GRM1: variants seen among roughly 807,000 people sequenced by gnomAD.
GRM1 encodes the protein metabotropic glutamate receptor 1.
A neutral mutation model predicts 90.9 loss-of-function variants in GRM1; 33 were observed. The ratio of observed to expected loss-of-function variants is 0.36; its 90% CI spans 0.28 to 0.49. GRM1 has a LOEUF of 0.49. Among genes scored for constraint, GRM1 ranks in the 20% least tolerant of loss-of-function variants. The probability of loss-of-function intolerance (pLI) is 0.99; values close to 1 mark genes in which losing one functional copy is unlikely to be tolerated. For missense variants in GRM1, 1,190 were observed against 1,534.3 expected, an observed-to-expected ratio of 0.78 and a Z score of 3.75; for synonymous variants, 700 against 613.2, an observed-to-expected ratio of 1.14 and a Z score of -2.09.
intron 2 of GRM1, among the ~76,000 whole-genome samples, chr6:146,291,766 A>G (rs750092261): frequency 4.6e-5 from 7 of 152,074 alleles, no homozygotes; most frequent in African/African-American, 9.6e-5. Context: ...TTTCAATTCA[A>G]TCTTTATTAA....
intron 4 of GRM1, among the ~76,000 whole-genome samples, chr6:146,357,280 CA>C (rs1197451005): frequency 1.3e-5 from 2 of 151,964 alleles, no homozygotes; most frequent in Non-Finnish European, 2.9e-5. Context: ...GGAGGATAAG[CA>C]GAGAGAAAAG....
chr6:146,166,448 G>GA (rs1718465957), intron 2 of GRM1, among the ~76,000 whole-genome samples: 2 of 152,164 alleles, frequency 1.3e-5, no homozygotes, highest in African/African-American at 4.8e-5. Flanking sequence ...TTTCAGCTCT[G>GA]TTTTTTTCTT....
chr6:146,061,227 T>C (rs1332521281), intron 1 of GRM1, among the ~76,000 whole-genome samples: 3 of 152,078 alleles, frequency 2.0e-5, no homozygotes, highest in African/African-American at 7.2e-5. Context: ...ATAAGAGATA[T>C]AATAATAATG....
chr6:146,035,514 T>G (rs1168514045), intron 1 of GRM1, among the ~76,000 whole-genome samples: 1 of 151,970 alleles, frequency 6.6e-6, no homozygotes, highest in Admixed American at 6.6e-5. Context: ...TACTTGAGAG[T>G]TGGTCTCTTT....
intron 1 of GRM1, among the ~76,000 whole-genome samples, chr6:146,035,575 A>G: frequency 6.6e-6 from 1 of 151,986 alleles, no homozygotes; most frequent in Non-Finnish European, 1.5e-5. Flanking sequence ...CTTTGCAAAC[A>G]CTACTGTAAG....
At chr6:146,379,073 A>C (rs1776218173) in intron 5 of GRM1, among the ~76,000 whole-genome samples, 1 of 152,212 alleles carries the variant, frequency 6.6e-6, no homozygotes, top group Admixed American at 6.5e-5. Flanking sequence ...GCATGAGAAC[A>C]GACTCATACA....
chr6:146,240,206 A>G (rs1780803109), intron 2 of GRM1, among the ~76,000 whole-genome samples: 1 of 151,982 alleles, frequency 6.6e-6, no homozygotes, highest in African/African-American at 2.4e-5. Context: ...GCCATGTAGA[A>G]CCGTACAGGA....
At chr6:146,118,957 G>A (rs1173683968) in intron 1 of GRM1, among the ~76,000 whole-genome samples, 2 of 152,232 alleles carry the variant, frequency 1.3e-5, no homozygotes, top group Admixed American at 1.3e-4. Flanking sequence ...TATATACCCA[G>A]TAATGGGATT....
intron 1 of GRM1, among the ~76,000 whole-genome samples, chr6:146,107,720 A>G (rs910009333): frequency 5.9e-5 from 9 of 152,196 alleles, no homozygotes; most frequent in African/African-American, 2.2e-4. Context: ...ACTTTAATGT[A>G]TCCATGGAGT....
chr6:146,168,937 T>A (rs558602221), intron 2 of GRM1, among the ~76,000 whole-genome samples: 9 of 152,088 alleles, frequency 5.9e-5, no homozygotes, highest in Non-Finnish European at 1.2e-4. Flanking sequence ...TTTTTAAATA[T>A]TTATGGGACT....
intron 1 of GRM1, among the ~76,000 whole-genome samples, chr6:146,035,987 T>C (rs1314603531): frequency 2.0e-5 from 3 of 152,014 alleles, no homozygotes; most frequent in Admixed American, 2.0e-4. Context: ...TTGCTGCAAA[T>C]TTTATAAGAA....
intron 1 of GRM1, among the ~76,000 whole-genome samples, chr6:146,053,365 A>C (rs889121385): frequency 1.3e-5 from 2 of 152,082 alleles, no homozygotes; most frequent in Non-Finnish European, 2.9e-5. Context: ...TATTTGCAGA[A>C]TTTAATTCAA....
intron 1 of GRM1, among the ~76,000 whole-genome samples, chr6:146,141,549 G>T (rs1448471877): frequency 6.6e-6 from 1 of 151,926 alleles, no homozygotes; most frequent in Non-Finnish European, 1.5e-5. Context: ...CTATATTCTA[G>T]ATCTTCTAGG....
chr6:146,326,128 G>T (rs895600028), intron 3 of GRM1, among the ~76,000 whole-genome samples: 4 of 152,162 alleles, frequency 2.6e-5, no homozygotes, highest in African/African-American at 9.7e-5. Flanking sequence ...AAGTTAGATT[G>T]TGTTTGAGGA....
At chr6:146,413,886 C>T (rs1449735042) in intron 7 of GRM1, among the ~76,000 whole-genome samples, 1 of 152,176 alleles carries the variant, frequency 6.6e-6, no homozygotes, top group Non-Finnish European at 1.5e-5. Flanking sequence ...TTGCATGTAA[C>T]AAGAGCTTAT....
At chr6:146,160,556 C>G (rs1009812559) in intron 2 of GRM1, among the ~76,000 whole-genome samples, 10 of 152,198 alleles carry the variant, frequency 6.6e-5, no homozygotes, top group Non-Finnish European at 1.0e-4. Context: ...CTCTTCCCAT[C>G]TCTTCTTCTG....
intron 1 of GRM1, among the ~76,000 whole-genome samples, chr6:146,131,581 G>A (rs903042292): frequency 5.2e-4 from 79 of 152,148 alleles, no homozygotes; most frequent in Non-Finnish European, 8.7e-4. Context: ...GAAGGGCAGT[G>A]ATACCTCCAC....
chr6:146,215,248 G>C (rs1779828783), intron 2 of GRM1, among the ~76,000 whole-genome samples: 1 of 152,018 alleles, frequency 6.6e-6, no homozygotes, highest in Non-Finnish European at 1.5e-5. Flanking sequence ...GAGTGTAAAG[G>C]GATCTCAAAG....
intron 2 of GRM1, among the ~76,000 whole-genome samples, chr6:146,291,854 C>A (rs1368782231): frequency 6.6e-6 from 1 of 151,768 alleles, no homozygotes; most frequent in Non-Finnish European, 1.5e-5. Flanking sequence ...CCCAAATAAC[C>A]AAAACAATAT....
Sources: allele counts gnomAD v4.1 joint callset (sites outside exome capture counted in the v4.1 genomes callset), GRCh38; gene constraint gnomAD v4.1.1; transcripts MANE v1.5; gene names NCBI Gene and HGNC (gene_info 2026-07-23, HGNC 2026-07-21).